Variants in WWC1 observed in about 807,000 individuals in gnomAD.
WWC1 encodes the protein WW and C2 domain containing 1, also known as protein KIBRA.
WWC1 carries 55 observed loss-of-function variants against 138.4 expected under a neutral mutation model. The ratio of observed to expected loss-of-function variants is 0.40; its 90% CI spans 0.32 to 0.50. The LOEUF (loss-of-function observed/expected upper bound fraction) is 0.50. Ranked by LOEUF, WWC1 falls within the 20% of genes least tolerant of loss-of-function variation. The pLI is 0.72. For missense variants in WWC1, 1,226 were observed against 1,420.4 expected, an observed-to-expected ratio of 0.86 and a Z score of 2.20; for synonymous variants, 524 against 564.9, an observed-to-expected ratio of 0.93 and a Z score of 1.03.
intron 1 of WWC1, among the ~76,000 whole-genome samples, chr5:168,321,735 C>G (rs1772125487): frequency 6.6e-6 from 1 of 152,078 alleles, no homozygotes; most frequent in African/African-American, 2.4e-5. Context: ...CAGGGTTTCT[C>G]CATGTTGGTC....
At chr5:168,361,419 C>T (rs374113844) in intron 1 of WWC1, among the ~76,000 whole-genome samples, 2 of 152,186 alleles carry the variant, frequency 1.3e-5, no homozygotes, top group East Asian at 3.9e-4. Flanking sequence ...ACCTCCCAAC[C>T]TCGTCTCTCC....
intron 1 of WWC1, among the ~76,000 whole-genome samples, chr5:168,313,004 C>T (rs13183480): frequency 0.35 from 52,592 of 151,268 alleles, 9,520 homozygotes; most frequent in Admixed American, 0.41. Context: ...GACAGGGTTT[C>T]GTCATGTTTG....
intron 8 of WWC1, among the ~76,000 whole-genome samples, chr5:168,410,869 T>A (rs569539037): frequency 6.6e-6 from 1 of 152,240 alleles, no homozygotes; most frequent in East Asian, 1.9e-4. Context: ...TTCATGACTA[T>A]TCCAGGTGGT....
At chr5:168,333,847 A>G (rs1279674544) in intron 1 of WWC1, among the ~76,000 whole-genome samples, 1 of 152,066 alleles carries the variant, frequency 6.6e-6, no homozygotes, top group Non-Finnish European at 1.5e-5. Flanking sequence ...AACTCATTAC[A>G]AGATTCTTAC....
rs1309751024 is a variant in WWC1, at chr5:168,464,869, G to A, written c.3057G>A (p.Leu1019=). The part of the protein sequence containing the change: ...ISVLKELKEQ[L]EQAKSHGEKE... ...TGCTGAAGGAGCTCAAGGAGCAGCT[G>A]GAACAAGCCAAGAGCCACGGGGAGA... The change falls in exon 21 of 23, where the codon CTG becomes CTA. Residue 1019 remains leucine (L), a synonymous_variant. Coordinates refer to ENST00000265293, the MANE Select transcript of WWC1 (RefSeq NM_015238.3). The A allele has an allele frequency of 6.2e-7, 1 of 1,614,224 alleles. No individual in the cohort carries two copies. The highest frequency in any genetic ancestry group is 1.1e-5 in the South Asian group (1 of 91,080).
intron 20 of WWC1, among the ~76,000 whole-genome samples, chr5:168,462,028 C>T (rs1241450353): frequency 1.3e-5 from 2 of 150,882 alleles, no homozygotes; most frequent in Non-Finnish European, 1.5e-5. Flanking sequence ...TGCACTCCAG[C>T]TGGGCAACAA....
At chr5:168,305,696 C>T (rs977545338) in intron 1 of WWC1, among the ~76,000 whole-genome samples, 1 of 152,140 alleles carries the variant, frequency 6.6e-6, no homozygotes, top group African/African-American at 2.4e-5. Context: ...GAGGAGGTGT[C>T]TTTGGAGCTG....
At chr5:168,432,978 C>G (rs527806260) in intron 15 of WWC1, among the ~76,000 whole-genome samples, 6 of 152,340 alleles carry the variant, frequency 3.9e-5, no homozygotes, top group Admixed American at 1.3e-4. Context: ...TCTTTGCTCT[C>G]CATCCTTGCC....
chr5:168,444,616 C>T (rs367610077), intron 17 of WWC1, 31 bp downstream of exon 17: 3 of 1,609,660 alleles, frequency 1.9e-6, no homozygotes, highest in Middle Eastern at 1.9e-4. Context: ...GCCCCAGGAG[C>T]TGCCCTGCCT....
intron 1 of WWC1, among the ~76,000 whole-genome samples, chr5:168,300,715 CGGCT>C (rs1769988657): frequency 6.6e-6 from 1 of 152,070 alleles, no homozygotes; most frequent in Non-Finnish European, 1.5e-5. Flanking sequence ...TTTCCCCAGT[CGGCT>C]GCCTGCTGTT....
intron 1 of WWC1, among the ~76,000 whole-genome samples, chr5:168,329,155 A>G (rs1158193076): frequency 6.6e-6 from 1 of 152,124 alleles, no homozygotes; most frequent in Non-Finnish European, 1.5e-5. Flanking sequence ...GTCCTATCGG[A>G]GAGCTTCCAG....
intron 1 of WWC1, among the ~76,000 whole-genome samples, chr5:168,326,205 G>A (rs1159324302): frequency 1.4e-5 from 2 of 144,780 alleles, no homozygotes; most frequent in African/African-American, 2.7e-5. Flanking sequence ...TCAGGACACC[G>A]ACCTGATAGT....
At chr5:168,318,720 T>C (rs1771815066) in intron 1 of WWC1, among the ~76,000 whole-genome samples, 1 of 152,046 alleles carries the variant, frequency 6.6e-6, no homozygotes, top group African/African-American at 2.4e-5. Flanking sequence ...CTACCACACC[T>C]GGCTAATTTT....
At position 168,371,410 on chromosome 5, in the gene WWC1, C is replaced by T; in HGVS notation, c.120-14C>T. ...TGTAGGCTGATGGAGTCTGTTTCTC[C>T]TCTCCCTTGCCAGGTACACCAAACC... is the stretch of plus-strand genomic sequence containing the variant. On this transcript the variant is annotated splice_polypyrimidine_tract_variant and intron_variant, in intron 1 of 22. Transcript: ENST00000265293. 1 of 1,606,920 alleles carries T rather than the reference C, an allele frequency of 6.2e-7. No homozygotes were observed. Among genetic ancestry groups the T allele is most frequent in the Non-Finnish European group, 8.5e-7 (1 of 1,173,720 alleles).
chr5:168,459,457 T>C (rs1265328235), intron 19 of WWC1, among the ~76,000 whole-genome samples: 2 of 152,102 alleles, frequency 1.3e-5, no homozygotes, highest in Non-Finnish European at 2.9e-5. Flanking sequence ...CCTTGAACTC[T>C]GGTTTTGATG....
At chr5:168,463,496 A>G (rs938397314) in intron 20 of WWC1, among the ~76,000 whole-genome samples, 3 of 152,190 alleles carry the variant, frequency 2.0e-5, no homozygotes, top group African/African-American at 4.8e-5. Flanking sequence ...AGCCCAGGCC[A>G]TCTTTTAGGG....
intron 2 of WWC1, among the ~76,000 whole-genome samples, chr5:168,384,733 T>TTTTTTTG (rs1554101623): frequency 2.1e-4 from 30 of 144,528 alleles, no homozygotes; most frequent in African/African-American, 4.1e-4. Context: ...TTTTTTTTTT[T>TTTTTTTG]TTCAGACAGA....
rs947430788 is a variant in WWC1, at chr5:168,291,947, G to A, written c.-206G>A. The A allele has an allele frequency of 7.2e-5, 25 of 346,138 alleles. No homozygotes were observed. Among genetic ancestry groups the A allele is most frequent in the Non-Finnish European group, 1.0e-4 (21 of 206,368 alleles). 21.4% of individuals were successfully genotyped at this position (346,138 alleles called of 1,614,324 possible). On this transcript the variant is annotated 5_prime_UTR_variant, in exon 1 of 23. Coordinates refer to ENST00000265293, the MANE Select transcript of WWC1 (RefSeq NM_015238.3). ...GCGTGAGAGGCCGGCGGCGGGAGGA[G>A]CGGGCGGCGCCGGGTCGGGGCTGCA...
At chr5:168,296,225 G>C (rs1435257665) in intron 1 of WWC1, among the ~76,000 whole-genome samples, 1 of 152,188 alleles carries the variant, frequency 6.6e-6, no homozygotes, top group African/African-American at 2.4e-5. Flanking sequence ...TGTGCGATTT[G>C]TATTCAGACC....
Sources: gnomAD v4.1 joint callset for allele counts (sites outside exome capture counted in the v4.1 genomes callset) on GRCh38, gnomAD v4.1.1 for gene constraint, MANE v1.5 for transcripts, NCBI Gene and HGNC (gene_info 2026-07-23, HGNC 2026-07-21) for gene names.